Variants in FRAS1 observed in about 807,000 individuals in gnomAD.
FRAS1 encodes extracellular matrix organizing protein FRAS1.
In FRAS1, 290 loss-of-function variants were observed where a neutral mutation model predicts 435.2. The ratio of observed to expected loss-of-function variants is 0.67; its 90% CI spans 0.61 to 0.73. FRAS1 has a LOEUF of 0.73. Ranked by LOEUF, FRAS1 falls within the 30% of genes least tolerant of loss-of-function variation. The pLI is 0.00. For synonymous variants in FRAS1, 1,800 were observed against 1,851.0 expected (o/e 0.97, Z 0.71); for missense variants, 4,860 against 5,001.5 (o/e 0.97, Z 0.85).
chr4:78,439,698 T>C (rs1204317759), intron 40 of FRAS1, among the ~76,000 whole-genome samples: 1 of 152,202 alleles, frequency 6.6e-6, no homozygotes, highest in East Asian at 1.9e-4. Flanking sequence ...TTTCACTGTG[T>C]TGCCCAGGCT....
chr4:78,233,525 A>G (rs1048414706), intron 2 of FRAS1, among the ~76,000 whole-genome samples: 5 of 151,236 alleles, frequency 3.3e-5, no homozygotes, highest in Non-Finnish European at 5.9e-5. Context: ...AAATAGTTAG[A>G]AGACATTTGC....
At position 78,508,825 on chromosome 4, in the gene FRAS1, C is replaced by A. The variant is rs200333409; in HGVS notation, c.9599C>A (p.Thr3200Asn). Residue 3200 changes from threonine to asparagine, a missense_variant, in exon 63 of 74, where the codon ACC becomes AAC. Coordinates refer to ENST00000512123, the MANE Select transcript of FRAS1 (RefSeq NM_025074.7). The stretch of plus-strand genomic sequence containing the variant: ...CCAGGCTACCCACTGGTCTGTGTCA[C>A]CCCCTGCGACCCTCATTTCCCCAGA... Reference protein sequence around the residue: ...PSPGYPLVCVTPCDPHFPRYA... With the variant: ...PSPGYPLVCVNPCDPHFPRYA... The A allele has an allele frequency of 2.5e-6, 4 of 1,613,708 alleles. No homozygotes were observed. The South Asian group carries it at 4.4e-5, about 18-fold the overall frequency.
intron 2 of FRAS1, among the ~76,000 whole-genome samples, chr4:78,100,965 T>C (rs913712399): frequency 3.3e-5 from 5 of 152,094 alleles, no homozygotes; most frequent in African/African-American, 7.2e-5. Flanking sequence ...AAAGTAAAAG[T>C]GTACAGGGGA....
intron 1 of FRAS1, among the ~76,000 whole-genome samples, chr4:78,059,508 G>GGAA (rs1157059930): frequency 7.6e-6 from 1 of 131,150 alleles, no homozygotes; most frequent in Admixed American, 7.6e-5. Context: ...GCGTACTTTG[G>GGAA]AAAAAAAAAA....
chr4:78,095,366 A>C (rs1578119877), intron 2 of FRAS1, among the ~76,000 whole-genome samples: 1 of 152,360 alleles, frequency 6.6e-6, no homozygotes, highest in East Asian at 1.9e-4. Flanking sequence ...CACATAGTTC[A>C]TAAAAACTGG....
At chr4:78,137,180 T>A (rs1719955925) in intron 2 of FRAS1, among the ~76,000 whole-genome samples, 1 of 152,224 alleles carries the variant, frequency 6.6e-6, no homozygotes, top group Non-Finnish European at 1.5e-5. Context: ...AGTCCTTTGA[T>A]TCAGTTTTTT....
At chr4:78,127,962 C>T (rs1456742173) in intron 2 of FRAS1, among the ~76,000 whole-genome samples, 1 of 145,130 alleles carries the variant, frequency 6.9e-6, no homozygotes, top group Non-Finnish European at 1.5e-5. Context: ...TCCATGTGTT[C>T]TCATTGTTCG....
intron 20 of FRAS1, among the ~76,000 whole-genome samples, chr4:78,343,586 T>A (rs1304470688): frequency 1.3e-5 from 2 of 152,180 alleles, no homozygotes; most frequent in Non-Finnish European, 2.9e-5. Context: ...TAAACACTTT[T>A]GAGTCCTTTC....
At chr4:78,257,037 C>T (rs1725829242) in intron 6 of FRAS1, among the ~76,000 whole-genome samples, 1 of 152,108 alleles carries the variant, frequency 6.6e-6, no homozygotes, top group Non-Finnish European at 1.5e-5. Flanking sequence ...CCATCACTAC[C>T]ACCATTTTGG....
intron 2 of FRAS1, among the ~76,000 whole-genome samples, chr4:78,089,859 GTACTAAACCTAGTACCCAATAGT>G (rs1741417035): frequency 7.1e-6 from 1 of 139,962 alleles, no homozygotes; most frequent in Non-Finnish European, 1.6e-5. Context: ...CGCCACCCAG[GTACTAAACCTAGTACCCAATAGT>G]TACTTTTTCT....
At chr4:78,287,232 A>G (rs1233971679) in intron 14 of FRAS1, among the ~76,000 whole-genome samples, 3 of 152,206 alleles carry the variant, frequency 2.0e-5, no homozygotes, top group Admixed American at 6.5e-5. Context: ...ACTCACTATC[A>G]TGAGAACAGC....
At chr4:78,517,932 ACAAT>A (rs1390576445) in intron 66 of FRAS1, among the ~76,000 whole-genome samples, 18 of 152,244 alleles carry the variant, frequency 1.2e-4, no homozygotes, top group Non-Finnish European at 1.0e-4. Context: ...AGGTCCAAAT[ACAAT>A]CTGGAAATTT....
chr4:78,426,300 G>T (rs148610136), intron 35 of FRAS1, among the ~76,000 whole-genome samples: 1 of 152,076 alleles, frequency 6.6e-6, no homozygotes, highest in Admixed American at 6.6e-5. Flanking sequence ...GTAGGTGAAG[G>T]GTTAACAATT....
At position 78,470,079 on chromosome 4, in the gene FRAS1, C is replaced by T; in HGVS notation, c.7359C>T (p.Tyr2453=). The change falls in exon 51 of 74, where the codon TAC becomes TAT. Residue 2453 remains tyrosine, a synonymous_variant. Transcript: ENST00000512123. ...VTNLGLQWLE[Y]MDGKATNLIT... ...ACCTGGGACTCCAGTGGCTGGAATA[C>T]ATGGATGGCAAGGTAAGGCCTGTCC... The T allele has an allele frequency of 6.2e-7, 1 of 1,611,358 alleles. No homozygotes were observed. The highest frequency in any genetic ancestry group is 8.5e-7 in the Non-Finnish European group (1 of 1,178,052).
chr4:78,154,280 C>T (rs1425174479), intron 2 of FRAS1, among the ~76,000 whole-genome samples: 1 of 152,100 alleles, frequency 6.6e-6, no homozygotes, highest in Non-Finnish European at 1.5e-5. Flanking sequence ...CTGTTGATCT[C>T]ATTCTCTTGG....
chr4:78,500,003 A>G (rs1014396746), intron 61 of FRAS1, 82 bp downstream of exon 61: 13 of 1,156,212 alleles, frequency 1.1e-5, no homozygotes, highest in Admixed American at 2.7e-5. Context: ...GAATAAACAG[A>G]TAAATGAAAA....
chr4:78,400,605 T>C (rs1732845311), intron 29 of FRAS1, 129 bp from the exon 30 acceptor site: 1 of 803,678 alleles, frequency 1.2e-6, no homozygotes, highest in Non-Finnish European at 1.9e-6. Context: ...AGAGTGACTC[T>C]GAAGCTGTGA....
intron 30 of FRAS1, among the ~76,000 whole-genome samples, chr4:78,406,832 A>T (rs1406882901): frequency 6.6e-6 from 1 of 152,174 alleles, no homozygotes; most frequent in East Asian, 1.9e-4. Flanking sequence ...TATGTCTTCC[A>T]CTGTTAGCTA....
At chr4:78,221,036 T>C (rs375184475) in intron 2 of FRAS1, among the ~76,000 whole-genome samples, 1 of 151,954 alleles carries the variant, frequency 6.6e-6, no homozygotes, top group African/African-American at 2.4e-5. Flanking sequence ...GATGTGGTGG[T>C]GTGCACCTGT....
Sources: allele counts gnomAD v4.1 joint callset (sites outside exome capture counted in the v4.1 genomes callset), GRCh38; gene constraint gnomAD v4.1.1; transcripts MANE v1.5; gene names NCBI Gene and HGNC (gene_info 2026-07-23, HGNC 2026-07-21).